TSKS: variants seen among roughly 807,000 people sequenced by gnomAD.
The protein encoded by TSKS is testis-specific serine kinase substrate.
A neutral mutation model predicts 68.0 loss-of-function variants in TSKS; 27 were observed. The ratio of observed to expected loss-of-function variants is 0.40; its 90% confidence interval spans 0.29 to 0.55. The LOEUF (loss-of-function observed/expected upper bound fraction) is 0.55. Ranked by LOEUF, TSKS falls within the 20% of genes least tolerant of loss-of-function variation. The pLI is 0.53. For synonymous variants in TSKS, 331 were observed against 340.4 expected (o/e 0.97, Z 0.30); for missense variants, 806 against 776.0 (o/e 1.04, Z -0.46).
Position 49,739,882 on chromosome 19 carries a change from T to C in TSKS, c.1673A>G (p.His558Arg), listed in dbSNP as rs1186639910. Residue 558 changes from histidine to arginine, a missense_variant, in exon 11 of 11, where the codon CAC becomes CGC. Physicochemically the swap from His to Arg is conservative, Grantham distance 29. Transcript: ENST00000246801. ...AAGTGGCAGGTTGCTGAGATGATCG[T>C]GGAGGGAGCACATCTTCAAGTGTAG... is the stretch of plus-strand genomic sequence containing the variant. ...DHLHLKMCSL[H>R]DHLSNLPLEG... The C allele has an allele frequency of 6.2e-7, 1 of 1,613,968 alleles. No individual in the cohort carries two copies. The highest frequency in any genetic ancestry group is 2.2e-5 in the East Asian group (1 of 44,852).
intron 7 of TSKS, 112 bp from the exon 8 acceptor site, chr19:49,744,516 C>T: frequency 9.5e-7 from 1 of 1,056,600 alleles, no homozygotes; most frequent in South Asian, 1.5e-5. Flanking sequence ...CAGCAATTCT[C>T]CACCCTGCCC....
chr19:49,748,246 G>C, intron 3 of TSKS, 78 bp from the exon 4 acceptor site: 2 of 1,580,330 alleles, frequency 1.3e-6, no homozygotes, highest in Non-Finnish European at 1.7e-6. Context: ...GGCCTGGGAA[G>C]GTTCCTTTTC....
chr19:49,756,690 C>T (rs1267186924), intron 2 of TSKS, among the ~76,000 whole-genome samples: 1 of 152,174 alleles, frequency 6.6e-6, no homozygotes, highest in African/African-American at 2.4e-5. Context: ...TAAATTCTTT[C>T]ACATTCCTTT....
chr19:49,757,483 C>G (rs988728812), intron 2 of TSKS, among the ~76,000 whole-genome samples: 3 of 152,192 alleles, frequency 2.0e-5, no homozygotes, highest in Non-Finnish European at 4.4e-5. Context: ...GGTAATTGTT[C>G]TGGAAACCAA....
At chr19:49,742,350 G>A (rs2084259566) in intron 8 of TSKS, among the ~76,000 whole-genome samples, 3 of 151,898 alleles carry the variant, frequency 2.0e-5, no homozygotes, top group South Asian at 2.1e-4. Flanking sequence ...GGCATGTGCC[G>A]CCACATCCGG....
At chr19:49,741,470 C>T (rs987480107) in intron 9 of TSKS, among the ~76,000 whole-genome samples, 9 of 152,182 alleles carry the variant, frequency 5.9e-5, no homozygotes, top group African/African-American at 1.7e-4. Context: ...CATCAGCTAA[C>T]TGGGGCCTAC....
chr19:49,753,842 G>A (rs1600196928), intron 2 of TSKS, among the ~76,000 whole-genome samples: 2 of 150,890 alleles, frequency 1.3e-5, no homozygotes, highest in South Asian at 4.2e-4. Context: ...TGAGTGGGGA[G>A]AATCTGTTTC....
chr19:49,749,569 C>T (rs1206543517), intron 2 of TSKS, among the ~76,000 whole-genome samples: 2 of 151,520 alleles, frequency 1.3e-5, no homozygotes, highest in East Asian at 3.9e-4. Context: ...GGCCATGTGA[C>T]TAAGTTCTGG....
intron 2 of TSKS, among the ~76,000 whole-genome samples, chr19:49,751,240 G>T (rs2084347216): frequency 6.9e-6 from 1 of 145,688 alleles, no homozygotes. Flanking sequence ...GGAGGCGGAG[G>T]TTGCAGAGAG....
At chr19:49,760,134 A>C (rs2084428639) in intron 2 of TSKS, among the ~76,000 whole-genome samples, 1 of 152,040 alleles carries the variant, frequency 6.6e-6, no homozygotes, top group South Asian at 2.1e-4. Context: ...CTGGCTACAG[A>C]GTGAGACTCC....
chr19:49,742,496 C>CT (rs978089309), intron 8 of TSKS, among the ~76,000 whole-genome samples: 5,571 of 101,230 alleles, frequency 0.055, 366 homozygotes, highest in Non-Finnish European at 0.082. Flanking sequence ...GGGCCCGGCC[C>CT]TTTTTTTTTT....
Position 49,763,263 on chromosome 19 carries a change from C to G in TSKS, c.-16G>C, listed in dbSNP as rs752836119. 1 of 1,477,774 alleles carries G rather than the reference C, an allele frequency of 6.8e-7. No individual in the cohort carries two copies. The highest frequency in any genetic ancestry group is 1.4e-5 in the South Asian group (1 of 71,824). The allele number at this position is 1,477,774 out of a possible 1,614,324, so 91.5% of individuals were successfully genotyped here. A position where few individuals can be genotyped will look rare whatever the true frequency, so the allele number is the denominator to read the frequency against. The stretch of plus-strand genomic sequence containing the variant: ...CGCTCGCCATGGTGTGGGGGTCTGG[C>G]TCCCAGGGAGGGGCTCCTTCCTCTG... On this transcript the variant is annotated 5_prime_UTR_variant, in exon 1 of 11. Coordinates refer to ENST00000246801, the MANE Select transcript of TSKS (RefSeq NM_021733.2). This position sits in a 1 kb window ranked among gnomAD's most constrained non-coding sequence, Gnocchi z 4.5.
chr19:49,743,084 TG>T (rs200440259), intron 8 of TSKS, among the ~76,000 whole-genome samples: 1 of 150,606 alleles, frequency 6.6e-6, no homozygotes. Flanking sequence ...ATGTACTAAG[TG>T]TTTTTTTTTT....
intron 2 of TSKS, among the ~76,000 whole-genome samples, chr19:49,761,133 G>A (rs1204675947): frequency 1.3e-5 from 2 of 152,050 alleles, no homozygotes; most frequent in Non-Finnish European, 2.9e-5. Context: ...ATAAAGGAAC[G>A]AATGTATGCA....
chr19:49,746,830 TC>T (rs756417717), intron 5 of TSKS, 32 bp from the exon 6 acceptor site: 1 of 1,584,850 alleles, frequency 6.3e-7, no homozygotes, highest in Non-Finnish European at 8.5e-7. Flanking sequence ...GGTCACAGCG[TC>T]CAGCCGCTTT....
At chr19:49,740,892 A>T (rs2084246488) in intron 9 of TSKS, among the ~76,000 whole-genome samples, 1 of 130,564 alleles carries the variant, frequency 7.7e-6, no homozygotes, top group South Asian at 2.5e-4. Context: ...CTCCAAAAAA[A>T]AAAAGGCCGG....
At chr19:49,741,736 A>T (rs748344136) in intron 9 of TSKS, 149 bp downstream of exon 9, 58 of 1,039,838 alleles carry the variant, frequency 5.6e-5, no homozygotes, top group Admixed American at 1.2e-4. Flanking sequence ...CCCATGCATT[A>T]GGGCCAAGTC....
At chr19:49,754,084 C>T (rs2084374238) in intron 2 of TSKS, among the ~76,000 whole-genome samples, 1 of 150,968 alleles carries the variant, frequency 6.6e-6, no homozygotes, top group African/African-American at 2.4e-5. Flanking sequence ...GGGGGTTTCA[C>T]CATATTGGTC....
chr19:49,762,317 C>CT, intron 1 of TSKS, 85 bp from the exon 2 acceptor site: 1 of 938,648 alleles, frequency 1.1e-6, no homozygotes, highest in Non-Finnish European at 1.6e-6. Flanking sequence ...ATACCTCACC[C>CT]CCTGTGACTC....
Sources: gnomAD v4.1 joint callset for allele counts (sites outside exome capture counted in the v4.1 genomes callset) on GRCh38, gnomAD v4.1.1 for gene constraint, Gnocchi (gnomAD v3.1) non-coding constraint, MANE v1.5 for transcripts, NCBI Gene and HGNC (gene_info 2026-07-23, HGNC 2026-07-21) for gene names.